Variants in TMEM267 observed in about 807,000 individuals in gnomAD.
TMEM267 encodes transmembrane protein 267, also known as transmembrane protein C5orf28.
A neutral mutation model predicts 19.3 loss-of-function variants in TMEM267; 20 were observed. The ratio of observed to expected loss-of-function variants is 1.04; its 90% CI spans 0.73 to 1.51. The LOEUF (loss-of-function observed/expected upper bound fraction) is 1.51. Among genes scored for constraint, TMEM267 ranks in the 40% most tolerant of loss-of-function variants. The probability of loss-of-function intolerance (pLI) is 0.00; values close to 1 mark genes in which losing one functional copy is unlikely to be tolerated. For missense variants in TMEM267, 242 were observed against 261.9 expected (o/e 0.92, Z 0.52); for synonymous variants, 88 against 90.3 (o/e 0.97, Z 0.15).
chr5:43,451,902 C>T (rs1742613521), intron 2 of TMEM267, among the ~76,000 whole-genome samples: 1 of 151,796 alleles, frequency 6.6e-6, no homozygotes, highest in African/African-American at 2.4e-5. Flanking sequence ...TAGGGAGACC[C>T]TGCCTCTACA....
chr5:43,474,642 C>T (rs183738669), intron 1 of TMEM267, among the ~76,000 whole-genome samples: 1 of 151,890 alleles, frequency 6.6e-6, no homozygotes, highest in East Asian at 1.9e-4. Context: ...GCTTGTAATC[C>T]CGGCTACTCG....
At chr5:43,450,104 C>G (rs1478393039) in intron 2 of TMEM267, among the ~76,000 whole-genome samples, 2 of 151,860 alleles carry the variant, frequency 1.3e-5, no homozygotes, top group East Asian at 1.9e-4. Context: ...AAGTGATCCT[C>G]TTGCCTCAGC....
At chr5:43,458,362 A>T (rs1213102315) in intron 1 of TMEM267, among the ~76,000 whole-genome samples, 1 of 152,192 alleles carries the variant, frequency 6.6e-6, no homozygotes, top group African/African-American at 2.4e-5. Flanking sequence ...TCAGCCTCCC[A>T]AAGTGCTGGG....
chr5:43,450,512 T>C (rs1057496806), intron 2 of TMEM267, among the ~76,000 whole-genome samples: 2 of 152,212 alleles, frequency 1.3e-5, no homozygotes, highest in Non-Finnish European at 2.9e-5. Flanking sequence ...ATGTGCACTA[T>C]CTCACTTGAT....
intron 2 of TMEM267, among the ~76,000 whole-genome samples, chr5:43,451,132 A>T (rs1742562055): frequency 6.6e-6 from 1 of 152,000 alleles, no homozygotes; most frequent in Non-Finnish European, 1.5e-5. Flanking sequence ...CGGCCCATTT[A>T]CTGTTAATAT....
chr5:43,468,570 C>T (rs1240819359), intron 1 of TMEM267, among the ~76,000 whole-genome samples: 2 of 152,140 alleles, frequency 1.3e-5, no homozygotes, highest in Non-Finnish European at 2.9e-5. Context: ...TGTAAAAAAC[C>T]AAGCTGTGCC....
intron 1 of TMEM267, among the ~76,000 whole-genome samples, chr5:43,455,420 T>TAA (rs35873992): frequency 6.4e-5 from 9 of 141,344 alleles, no homozygotes; most frequent in African/African-American, 2.1e-4. Context: ...GACCCTGTCT[T>TAA]AAAAAAAAAA....
chr5:43,477,132 T>TA (rs1159227244), intron 1 of TMEM267, among the ~76,000 whole-genome samples: 1 of 151,404 alleles, frequency 6.6e-6, no homozygotes, highest in African/African-American at 2.4e-5. Context: ...GAAGCTGCAG[T>TA]AAAAAACTAC....
intron 1 of TMEM267, among the ~76,000 whole-genome samples, chr5:43,476,431 C>T (rs891633028): frequency 6.6e-6 from 1 of 151,740 alleles, no homozygotes; most frequent in Non-Finnish European, 1.5e-5. Context: ...TCTGCCACCT[C>T]CCACAATTCC....
intron 1 of TMEM267, among the ~76,000 whole-genome samples, chr5:43,475,114 C>T (rs1379112890): frequency 1.3e-5 from 2 of 152,154 alleles, no homozygotes; most frequent in Non-Finnish European, 2.9e-5. Flanking sequence ...ATAGCAAAGG[C>T]TTGGAACGAA....
At chr5:43,475,685 G>C (rs1054429655) in intron 1 of TMEM267, among the ~76,000 whole-genome samples, 1 of 152,146 alleles carries the variant, frequency 6.6e-6, no homozygotes, top group Admixed American at 6.5e-5. Flanking sequence ...CAGGTGAAAT[G>C]ACTGCCTACC....
At chr5:43,454,713 T>A (rs1427479966) in intron 1 of TMEM267, 2 of 152,174 alleles carry the variant, frequency 1.3e-5, no homozygotes, top group African/African-American at 4.8e-5. Flanking sequence ...CTACCCTAGA[T>A]CTTGCAGCTC....
chr5:43,453,888 C>A lies in TMEM267; in HGVS notation c.82G>T (p.Ala28Ser). The change falls in exon 2 of 3, where the codon GCA becomes TCA. Residue 28 changes from alanine (A) to serine (S), a missense_variant. Transcript: ENST00000397080. ...AGTCTGTCAGCTACGAGGCAAAATG[C>A]CCCCAGACCAAGGCTGGAAATAAGA... ...ESLISSLGLG[A>S]FCLVADRLLQ... The A allele has an allele frequency of 6.2e-7, 1 of 1,613,970 alleles. No homozygotes were observed. Among genetic ancestry groups the A allele is most frequent in the Non-Finnish European group, 8.5e-7 (1 of 1,179,958 alleles).
intron 1 of TMEM267, among the ~76,000 whole-genome samples, chr5:43,468,139 C>G (rs1743858965): frequency 1.3e-5 from 2 of 151,696 alleles, no homozygotes; most frequent in Admixed American, 1.3e-4. Context: ...GGGCGGGTGT[C>G]TAGTTAGAAC....
At chr5:43,470,725 T>C (rs907259482) in intron 1 of TMEM267, among the ~76,000 whole-genome samples, 2 of 152,184 alleles carry the variant, frequency 1.3e-5, no homozygotes, top group African/African-American at 4.8e-5. Flanking sequence ...TCAGCAGTAA[T>C]AGACATCCTA....
chr5:43,461,833 C>T (rs1357170305), intron 1 of TMEM267, among the ~76,000 whole-genome samples: 2 of 152,174 alleles, frequency 1.3e-5, no homozygotes, highest in Admixed American at 6.5e-5. Context: ...CAGATGGTAC[C>T]TCTAGACCCA....
chr5:43,448,645 G>T (rs1242468099), intron 2 of TMEM267, among the ~76,000 whole-genome samples: 3 of 151,994 alleles, frequency 2.0e-5, no homozygotes, highest in African/African-American at 7.2e-5. Context: ...GCATGGTGGT[G>T]CATGCCTGTA....
intron 1 of TMEM267, among the ~76,000 whole-genome samples, chr5:43,479,625 CAT>C (rs1232224192): frequency 1.1e-4 from 17 of 151,902 alleles, no homozygotes; most frequent in Admixed American, 8.5e-4. Context: ...ACAATTTGTT[CAT>C]AGTTATGTAA....
intron 1 of TMEM267, among the ~76,000 whole-genome samples, chr5:43,459,788 A>C (rs779763148): frequency 1.3e-5 from 2 of 152,230 alleles, no homozygotes; most frequent in African/African-American, 2.4e-5. Flanking sequence ...TATGCTATGA[A>C]GCAGTGGTCC....
Sources: gnomAD v4.1 joint callset for allele counts (sites outside exome capture counted in the v4.1 genomes callset) on GRCh38, gnomAD v4.1.1 for gene constraint, MANE v1.5 for transcripts, NCBI Gene and HGNC (gene_info 2026-07-23, HGNC 2026-07-21) for gene names.